Variants in TMPRSS6 observed in about 807,000 individuals in gnomAD.
TMPRSS6 encodes the protein transmembrane serine protease 6.
Under a neutral mutation model 101.5 loss-of-function variants are expected in TMPRSS6, and 67 were observed. The observed-to-expected ratio is 0.66, with a 90% CI of 0.54 to 0.81. The LOEUF is 0.81. TMPRSS6 is among the 30% of genes least tolerant of loss of function. The probability of loss-of-function intolerance (pLI) is 0.00; values close to 1 mark genes in which losing one functional copy is unlikely to be tolerated. For synonymous variants in TMPRSS6, 453 were observed against 464.9 expected (o/e 0.97, Z 0.33); for missense variants, 1,034 against 1,088.7 (o/e 0.95, Z 0.71).
At chr22:37,104,714 A>G (rs1930603337) in intron 1 of TMPRSS6, among the ~76,000 whole-genome samples, 1 of 152,154 alleles carries the variant, frequency 6.6e-6, no homozygotes, top group African/African-American at 2.4e-5. Context: ...TAATCCCAAC[A>G]CTTTGGGAGG....
intron 10 of TMPRSS6, among the ~76,000 whole-genome samples, chr22:37,077,277 T>C (rs1417884006): frequency 6.6e-6 from 1 of 152,206 alleles, no homozygotes; most frequent in Non-Finnish European, 1.5e-5. Flanking sequence ...AGAGCTCACC[T>C]AGCTTGCTTG....
At chr22:37,085,601 C>T (rs933587982) in intron 8 of TMPRSS6, among the ~76,000 whole-genome samples, 4 of 152,124 alleles carry the variant, frequency 2.6e-5, no homozygotes, top group Non-Finnish European at 4.4e-5. Context: ...GGGCCTCCTG[C>T]GCAGAAGTAT....
chr22:37,072,796 T>TGATGGATGGATGGATGGATGATG (rs1927217968), intron 13 of TMPRSS6, among the ~76,000 whole-genome samples: 1 of 131,772 alleles, frequency 7.6e-6, no homozygotes, highest in Non-Finnish European at 1.6e-5. Context: ...GACGGATGGA[T>TGATGGATGGATGGATGGATGATG]GATGGATGGA....
intron 10 of TMPRSS6, 93 bp from the exon 11 acceptor site, chr22:37,075,373 G>A (rs976774186): frequency 1.4e-5 from 21 of 1,552,200 alleles, no homozygotes; most frequent in African/African-American, 2.7e-5. Context: ...AGAGGGGCAG[G>A]GGGAGCTGCA....
Position 37,066,180 on chromosome 22 carries a change from C to T in TMPRSS6, c.2309G>A (p.Gly770Glu). 6.2e-7 allele frequency: 1 copy of T among 1,613,170 alleles called. No individual in the cohort carries two copies. Among genetic ancestry groups the T allele is most frequent in the Non-Finnish European group, 8.5e-7 (1 of 1,179,994 alleles). The change falls in exon 18 of 18, where the codon GGG (glycine) becomes GAG (glutamate). Residue 770 changes from glycine to glutamate, a missense_variant. Gly to Glu is a moderately conservative substitution (Grantham distance 98). Transcript: ENST00000676104. ...ACAGCCCAGGCCCCAGCTGACCAGC[C>T]CCGCCAGGAACCAGCGGCCACTGAG... ...KALSGRWFLA[G>E]LVSWGLGCGR...
At chr22:37,090,238 A>G (rs971273215) in intron 6 of TMPRSS6, among the ~76,000 whole-genome samples, 8 of 152,190 alleles carry the variant, frequency 5.3e-5, no homozygotes, top group Non-Finnish European at 1.0e-4. Flanking sequence ...TATCTAGAGG[A>G]CAAGCTGAAG....
chr22:37,091,547 G>A (rs1409544780), intron 6 of TMPRSS6, among the ~76,000 whole-genome samples: 1 of 152,184 alleles, frequency 6.6e-6, no homozygotes, highest in Non-Finnish European at 1.5e-5. Context: ...CTTGGCTCAT[G>A]GGCCATACAA....
In TMPRSS6 at chr22:37,095,973, G is replaced by A. The variant is rs116538331; in HGVS notation, c.522C>T (p.Val174=). ...ALLVEELLST[V]NSSAAVPYRA... is the part of the protein sequence containing the mutation. ...TGTAGGGGACGGCAGCCGAGCTGTT[G>A]ACTGTGGACAGCAGCTCCTCCACCA... The change falls in exon 5 of 18, where the codon GTC becomes GTT. Residue 174 remains valine, a synonymous_variant. Transcript: ENST00000676104. 9.9e-4 allele frequency: 1,593 copies of A among 1,614,202 alleles called. 18 individuals carry two copies. The African/African-American group carries it at 0.019, about 19-fold the overall frequency.
chr22:37,104,962 G>GA (rs57543962), intron 1 of TMPRSS6, among the ~76,000 whole-genome samples: 2,030 of 143,488 alleles, frequency 0.014, 30 homozygotes, highest in African/African-American at 0.037. Context: ...CTCTGCTTGA[G>GA]AAAAAAAAAA....
intron 10 of TMPRSS6, among the ~76,000 whole-genome samples, chr22:37,075,989 GAGAAAGAAAGGA>G (rs1367585271): frequency 1.0e-4 from 15 of 145,140 alleles, no homozygotes; most frequent in Non-Finnish European, 1.8e-4. Flanking sequence ...AAGAAAGAAA[GAGAAAGAAAGGA>G]AGAAAGAAAG....
chr22:37,100,375 T>A (rs1387890675), intron 2 of TMPRSS6, among the ~76,000 whole-genome samples: 1 of 152,112 alleles, frequency 6.6e-6, no homozygotes, highest in Admixed American at 6.5e-5. Context: ...AGGGAGAGCA[T>A]CGAGGACACG....
At chr22:37,078,778 G>A (rs1353491183) in intron 10 of TMPRSS6, among the ~76,000 whole-genome samples, 3 of 146,028 alleles carry the variant, frequency 2.1e-5, no homozygotes, top group African/African-American at 5.1e-5. Flanking sequence ...AGGAGAAGGA[G>A]GAGGAGAAGA....
intron 16 of TMPRSS6, 48 bp from the exon 17 acceptor site, chr22:37,067,010 C>A: frequency 6.2e-7 from 1 of 1,613,020 alleles, no homozygotes; most frequent in Non-Finnish European, 8.5e-7. Flanking sequence ...CCTGGAGCCC[C>A]TGTTCTCTAT....
chr22:37,068,520 G>A, intron 16 of TMPRSS6: 1 of 756,944 alleles, frequency 1.3e-6, no homozygotes, highest in South Asian at 1.4e-5. Flanking sequence ...GAGAGACCCT[G>A]TTTCTGAGAG....
chr22:37,065,916 A>G lies in TMPRSS6; in HGVS notation c.*164T>C. On this transcript the variant is annotated 3_prime_UTR_variant, in exon 18 of 18. Coordinates refer to ENST00000676104, the MANE Select transcript of TMPRSS6 (RefSeq NM_001374504.1). ...GCTGGCACTTCTCCATCCTCCTGCC[A>G]TCACTGGAGCAGACATCAGGGACGA... The G allele has an allele frequency of 1.1e-6, 1 of 878,804 alleles. No individual in the cohort carries two copies. Among genetic ancestry groups the G allele is most frequent in the Non-Finnish European group, 1.8e-6 (1 of 570,100 alleles). 54.4% of individuals were successfully genotyped at this position (878,804 alleles called of 1,614,324 possible). A position where few individuals can be genotyped will look rare whatever the true frequency, so the allele number is the denominator to read the frequency against.
chr22:37,068,963 TA>T, intron 16 of TMPRSS6, 109 bp downstream of exon 16: 1 of 1,480,456 alleles, frequency 6.8e-7, no homozygotes, highest in East Asian at 2.5e-5. Flanking sequence ...CTAGAGGGCC[TA>T]TGGGGTGGAG....
intron 1 of TMPRSS6, among the ~76,000 whole-genome samples, chr22:37,109,146 G>A (rs1469972224): frequency 6.6e-6 from 1 of 152,190 alleles, no homozygotes; most frequent in Non-Finnish European, 1.5e-5. Flanking sequence ...AGAAGGCCCA[G>A]GTGGGGTACC....
chr22:37,110,287 C>T (rs747839127), upstream of TMPRSS6, among the ~76,000 whole-genome samples: 13 of 151,374 alleles, frequency 8.6e-5, no homozygotes, highest in East Asian at 2.0e-4. Flanking sequence ...GGGATTACAG[C>T]GCCCACCACC....
upstream of TMPRSS6, among the ~76,000 whole-genome samples, chr22:37,110,194 A>T (rs1175785851): frequency 7.4e-6 from 1 of 134,292 alleles, no homozygotes; most frequent in African/African-American, 2.9e-5. Context: ...CCCAGGCTAG[A>T]GTGCAGTGGT....
Sources: allele counts gnomAD v4.1 joint callset (sites outside exome capture counted in the v4.1 genomes callset), GRCh38; gene constraint gnomAD v4.1.1; transcripts MANE v1.5; gene names NCBI Gene and HGNC (gene_info 2026-07-23, HGNC 2026-07-21).